The following ASTN2 variants were observed in gnomAD, a reference collection of about 807,000 sequenced individuals.
ASTN2 encodes the protein astrotactin 2.
Under a neutral mutation model 139.8 loss-of-function variants are expected in ASTN2, and 54 were observed. The ratio of observed to expected loss-of-function variants is 0.39; its 90% CI spans 0.31 to 0.48. The LOEUF (loss-of-function observed/expected upper bound fraction) is 0.48, where lower values mean the gene tolerates loss of function less well. Ranked by LOEUF, ASTN2 falls within the 20% of genes least tolerant of loss-of-function variation. The probability of loss-of-function intolerance (pLI) is 0.95; values close to 1 mark genes in which losing one functional copy is unlikely to be tolerated. For missense variants in ASTN2, 1,565 were observed against 1,725.1 expected (o/e 0.91, Z 1.64); for synonymous variants, 756 against 719.5 (o/e 1.05, Z -0.81).
chr9:117,118,338 A>G (rs1829455879), intron 4 of ASTN2, among the ~76,000 whole-genome samples: 1 of 151,906 alleles, frequency 6.6e-6, no homozygotes. Context: ...AGACCAAAAC[A>G]TGGTAGTCAT....
rs1164878126 is a variant in ASTN2 at position 116,565,388 on chromosome 9, CATATAT to C, written c.3355+52930_3355+52935del. On this transcript the variant is annotated intron_variant, in intron 19 of 22. Transcript: ENST00000313400. The stretch of plus-strand genomic sequence containing the variant: ...CTCTCTCTCTCTCTCTCTCTCTCTC[CATATAT>C]ATATATATATATATATATATATATA... 1.5e-3 allele frequency among the ~76,000 whole-genome samples: 50 copies of C among 34,012 alleles called. 1 individual carries two copies. Among genetic ancestry groups the C allele is most frequent in the Non-Finnish European group, 1.8e-3 (38 of 20,656 alleles). The allele number at this position is 34,012 out of a possible 152,430, so 22.3% of individuals were successfully genotyped here.
At chr9:116,460,428 G>A (rs1185433118) in intron 20 of ASTN2, among the ~76,000 whole-genome samples, 3 of 152,108 alleles carry the variant, frequency 2.0e-5, no homozygotes, top group Non-Finnish European at 4.4e-5. Context: ...CAAACAAACA[G>A]AAAAACCAAA....
chr9:116,913,708 G>T (rs1487608877), intron 10 of ASTN2, among the ~76,000 whole-genome samples: 1 of 152,096 alleles, frequency 6.6e-6, no homozygotes, highest in East Asian at 1.9e-4. Context: ...CACATGCTGG[G>T]TTTCTGCATT....
At chr9:116,618,808 G>A (rs1404316407) in intron 18 of ASTN2, among the ~76,000 whole-genome samples, 1 of 152,018 alleles carries the variant, frequency 6.6e-6, no homozygotes, top group African/African-American at 2.4e-5. Context: ...CAATTAAATT[G>A]GCAGTGCCTT....
At chr9:116,780,813 A>C (rs1830198854) in intron 13 of ASTN2, among the ~76,000 whole-genome samples, 1 of 151,568 alleles carries the variant, frequency 6.6e-6, no homozygotes. Flanking sequence ...ATATACATGA[A>C]TGAGTGAATG....
chr9:116,720,723 AT>A (rs1284801759), intron 16 of ASTN2, among the ~76,000 whole-genome samples: 1 of 152,198 alleles, frequency 6.6e-6, no homozygotes, highest in Non-Finnish European at 1.5e-5. Flanking sequence ...GCAATTAAAA[AT>A]TCAAAAAACT....
intron 4 of ASTN2, 122 bp downstream of exon 4, chr9:117,141,204 G>GT (rs1830066741): frequency 4.7e-6 from 5 of 1,074,478 alleles, no homozygotes. Context: ...TTATCAGGGA[G>GT]AAAGTGGCAC....
chr9:116,996,904 C>T (rs1276539432), intron 7 of ASTN2, among the ~76,000 whole-genome samples: 1 of 151,994 alleles, frequency 6.6e-6, no homozygotes, highest in Admixed American at 6.6e-5. Flanking sequence ...TTTTTTAACA[C>T]ATTTTTTAGA....
intron 4 of ASTN2, among the ~76,000 whole-genome samples, chr9:117,107,482 C>A (rs954668571): frequency 2.0e-5 from 3 of 152,176 alleles, no homozygotes; most frequent in African/African-American, 7.2e-5. Flanking sequence ...CTGGGTATTA[C>A]ATCATTGTTT....
chr9:116,952,284 A>G (rs182437404), intron 10 of ASTN2, among the ~76,000 whole-genome samples: 23 of 152,284 alleles, frequency 1.5e-4, no homozygotes, highest in Admixed American at 3.9e-4. Flanking sequence ...TCTGGCATTC[A>G]TTCCTATTGG....
At chr9:116,663,561 T>A (rs949647749) in intron 16 of ASTN2, among the ~76,000 whole-genome samples, 1 of 152,208 alleles carries the variant, frequency 6.6e-6, no homozygotes, top group African/African-American at 2.4e-5. Flanking sequence ...ATGTTCAAGA[T>A]TGAGTTACTT....
Position 117,039,807 on chromosome 9 carries a change from C to G in ASTN2, c.1423+12G>C. The G allele has an allele frequency of 6.2e-7, 1 of 1,611,434 alleles. No homozygotes were observed. Among genetic ancestry groups the G allele is most frequent in the Non-Finnish European group, 8.5e-7 (1 of 1,178,910 alleles). On this transcript the variant is annotated intron_variant, in intron 6 of 22. Coordinates refer to ENST00000313400, the MANE Select transcript of ASTN2 (RefSeq NM_001365068.1). ...GAGTGGGTGTGGAGCATCTGCAATG[C>G]TCGGCTCTTACCATCTGCTATGAAG... is the stretch of plus-strand genomic sequence containing the variant.
chr9:116,505,250 C>A (rs1244531890), intron 19 of ASTN2, among the ~76,000 whole-genome samples: 2 of 151,760 alleles, frequency 1.3e-5, no homozygotes, highest in Non-Finnish European at 2.9e-5. Context: ...TTTGAGGCTA[C>A]TGATGAATGG....
At chr9:116,822,235 T>C (rs1831506468) in intron 11 of ASTN2, among the ~76,000 whole-genome samples, 1 of 151,738 alleles carries the variant, frequency 6.6e-6, no homozygotes, top group Non-Finnish European at 1.5e-5. Context: ...AAATTTTGCC[T>C]GAGAAGAATT....
intron 13 of ASTN2, among the ~76,000 whole-genome samples, chr9:116,790,877 A>G (rs755146805): frequency 2.7e-5 from 4 of 150,200 alleles, no homozygotes; most frequent in Non-Finnish European, 5.9e-5. Context: ...GTTTCACCAT[A>G]TTGAAAAGAA....
At chr9:117,119,803 C>T (rs376367443) in intron 4 of ASTN2, among the ~76,000 whole-genome samples, 4 of 151,594 alleles carry the variant, frequency 2.6e-5, no homozygotes, top group African/African-American at 9.7e-5. Context: ...ATGTGACACG[C>T]ATGTTATCCT....
rs57428022 is a variant in ASTN2, at chr9:117,374,369, T to TAAAAAAAAAAAAAAAAAAAAAAA, written c.442+40105_442+40127dup. Among the ~76,000 whole-genome samples, 6 of 87,340 alleles carry TAAAAAAAAAAAAAAAAAAAAAAA rather than the reference T, an allele frequency of 6.9e-5. 1 individual carries two copies. The highest frequency in any genetic ancestry group is 3.3e-4 in the African/African-American group (6 of 18,080). The allele number at this position is 87,340 out of a possible 152,430, so 57.3% of individuals were successfully genotyped here. ...TTATGAGGCTGCATAAGGGCAGGGT[T>TAAAAAAAAAAAAAAAAAAAAAAA]AAAAAAAAAAAAAAAAAAAAAAAAG... is the stretch of plus-strand genomic sequence containing the variant. On this transcript the variant is annotated intron_variant, in intron 1 of 22. Transcript: ENST00000313400.
chr9:116,650,501 C>A (rs115926602), intron 17 of ASTN2, among the ~76,000 whole-genome samples: 1 of 152,074 alleles, frequency 6.6e-6, no homozygotes, highest in African/African-American at 2.4e-5. Flanking sequence ...AAAAGGGGTA[C>A]GATATTAAAA....
chr9:116,777,903 T>C (rs1369058286), intron 13 of ASTN2, among the ~76,000 whole-genome samples: 2 of 152,022 alleles, frequency 1.3e-5, no homozygotes, highest in African/African-American at 2.4e-5. Flanking sequence ...AGTACAGTGG[T>C]GCAGTCTCGG....
Sources: gnomAD v4.1 joint callset for allele counts (sites outside exome capture counted in the v4.1 genomes callset) on GRCh38, gnomAD v4.1.1 for gene constraint, MANE v1.5 for transcripts, NCBI Gene and HGNC (gene_info 2026-07-23, HGNC 2026-07-21) for gene names.